The following LDLRAD3 variants were observed in gnomAD, a reference collection of about 807,000 sequenced individuals.
LDLRAD3 encodes low density lipoprotein receptor class A domain containing 3.
LDLRAD3 carries 20 observed loss-of-function variants against 29.4 expected under a neutral mutation model. The observed-to-expected ratio is 0.68, with a 90% CI of 0.48 to 0.99. The LOEUF (loss-of-function observed/expected upper bound fraction) is 0.99. Among genes scored for constraint, LDLRAD3 ranks in the 50% least tolerant of loss-of-function variants. The pLI is 0.00. For missense variants in LDLRAD3, 420 were observed against 454.3 expected, an observed-to-expected ratio of 0.92 and a Z score of 0.69; for synonymous variants, 157 against 192.7, an observed-to-expected ratio of 0.81 and a Z score of 1.53.
intron 2 of LDLRAD3, among the ~76,000 whole-genome samples, chr11:36,051,012 C>A (rs1852519834): frequency 6.6e-6 from 1 of 152,174 alleles, no homozygotes; most frequent in Non-Finnish European, 1.5e-5. Flanking sequence ...CCCTCATGAT[C>A]TAACCAGCTC....
At chr11:36,184,002 T>C (rs1854807213) in intron 4 of LDLRAD3, 1 of 304,888 alleles carries the variant, frequency 3.3e-6, no homozygotes, top group Non-Finnish European at 6.3e-6. Context: ...GTTTCGCTCT[T>C]GTTGCCCAGC....
At chr11:36,138,248 G>A (rs557309073) in intron 4 of LDLRAD3, among the ~76,000 whole-genome samples, 3 of 152,254 alleles carry the variant, frequency 2.0e-5, no homozygotes, top group Non-Finnish European at 4.4e-5. Context: ...TGAAAGGCAA[G>A]TAAATGGGAT....
intron 4 of LDLRAD3, among the ~76,000 whole-genome samples, chr11:36,221,683 C>A (rs1855431170): frequency 6.6e-6 from 1 of 152,074 alleles, no homozygotes; most frequent in Non-Finnish European, 1.5e-5. Flanking sequence ...CTGGGCAAGT[C>A]TTAAAGGAAG....
intron 4 of LDLRAD3, among the ~76,000 whole-genome samples, chr11:36,107,397 C>T (rs957043661): frequency 1.1e-4 from 16 of 151,878 alleles, no homozygotes; most frequent in South Asian, 2.1e-4. Context: ...GGTTTCACCA[C>T]GTTGGCCAGG....
chr11:36,103,083 T>G (rs1909493), intron 4 of LDLRAD3, among the ~76,000 whole-genome samples: 1 of 151,890 alleles, frequency 6.6e-6, no homozygotes, highest in Non-Finnish European at 1.5e-5. Flanking sequence ...CTCCAGAACG[T>G]TTTCATTTTG....
chr11:36,192,975 T>TC (rs1323225745), intron 4 of LDLRAD3, among the ~76,000 whole-genome samples: 1 of 152,204 alleles, frequency 6.6e-6, no homozygotes, highest in Non-Finnish European at 1.5e-5. Flanking sequence ...TCCCTGATCC[T>TC]CCATTTTCTC....
chr11:36,142,498 C>T (rs1029336849), intron 4 of LDLRAD3, among the ~76,000 whole-genome samples: 2 of 152,218 alleles, frequency 1.3e-5, no homozygotes, highest in Non-Finnish European at 2.9e-5. Flanking sequence ...TGTCCTCAAC[C>T]TTCAGCACCT....
At chr11:36,145,252 TGG>T (rs1299397387) in intron 4 of LDLRAD3, among the ~76,000 whole-genome samples, 1,133 of 32,046 alleles carry the variant, frequency 0.035, 50 homozygotes, top group East Asian at 0.062. Context: ...GGGAGGGAAG[TGG>T]GGGGGGGTCA....
intron 1 of LDLRAD3, among the ~76,000 whole-genome samples, chr11:36,030,953 T>C (rs1318083984): frequency 6.6e-6 from 1 of 152,250 alleles, no homozygotes; most frequent in African/African-American, 2.4e-5. Flanking sequence ...GCAGCAGCTG[T>C]CTGAGTTTTT....
intron 2 of LDLRAD3, among the ~76,000 whole-genome samples, chr11:36,045,454 G>A (rs1483552669): frequency 1.3e-5 from 2 of 152,116 alleles, no homozygotes; most frequent in African/African-American, 2.4e-5. Flanking sequence ...GCAAGGTGTC[G>A]GCCCGGCCGT....
intron 1 of LDLRAD3, among the ~76,000 whole-genome samples, chr11:35,957,953 A>G (rs937071766): frequency 6.6e-6 from 1 of 152,206 alleles, no homozygotes; most frequent in Non-Finnish European, 1.5e-5. Context: ...AACTCAGTGA[A>G]ATAGTTTGCA....
At chr11:36,061,160 A>G (rs1225968834) in intron 2 of LDLRAD3, among the ~76,000 whole-genome samples, 2 of 151,890 alleles carry the variant, frequency 1.3e-5, no homozygotes, top group Non-Finnish European at 2.9e-5. Context: ...TTCCCCTGAG[A>G]CAGAGTCTCG....
At chr11:36,191,576 C>CTCTA (rs377747518) in intron 4 of LDLRAD3, among the ~76,000 whole-genome samples, 432 of 53,310 alleles carry the variant, frequency 8.1e-3, no homozygotes, top group Non-Finnish European at 8.6e-3. Flanking sequence ...CTCTCTCTCT[C>CTCTA]TATATATATA....
chr11:36,136,206 T>C (rs1854001644), intron 4 of LDLRAD3, among the ~76,000 whole-genome samples: 1 of 152,222 alleles, frequency 6.6e-6, no homozygotes, highest in Admixed American at 6.5e-5. Flanking sequence ...AAGGATTAAG[T>C]TGAGGCATAA....
chr11:36,071,053 T>G (rs1331624470), intron 2 of LDLRAD3, among the ~76,000 whole-genome samples: 4 of 152,170 alleles, frequency 2.6e-5, no homozygotes, highest in Non-Finnish European at 4.4e-5. Flanking sequence ...AGAAGAGTCA[T>G]GGTTTCCTTG....
intron 4 of LDLRAD3, among the ~76,000 whole-genome samples, chr11:36,186,395 C>CAGTG (rs1206847838): frequency 2.0e-5 from 3 of 152,302 alleles, no homozygotes; most frequent in Admixed American, 6.5e-5. Flanking sequence ...TCTTCTCTTG[C>CAGTG]AGTGAGTCAC....
chr11:36,058,954 T>G (rs1370039799), intron 2 of LDLRAD3, among the ~76,000 whole-genome samples: 2 of 152,228 alleles, frequency 1.3e-5, no homozygotes, highest in African/African-American at 4.8e-5. Context: ...ACTCCTGTGC[T>G]AGTGTAAGGC....
intron 1 of LDLRAD3, among the ~76,000 whole-genome samples, chr11:35,975,431 C>T (rs564502856): frequency 3.9e-5 from 6 of 152,316 alleles, no homozygotes; most frequent in Non-Finnish European, 7.3e-5. Flanking sequence ...CAAGAGCATG[C>T]AGAACAGGCA....
intron 4 of LDLRAD3, among the ~76,000 whole-genome samples, chr11:36,166,387 C>G (rs1168167002): frequency 6.6e-6 from 1 of 152,104 alleles, no homozygotes; most frequent in East Asian, 1.9e-4. Flanking sequence ...GGAAAGGTGA[C>G]CTGGACTCTG....
Sources: gnomAD v4.1 joint callset for allele counts (sites outside exome capture counted in the v4.1 genomes callset) on GRCh38, gnomAD v4.1.1 for gene constraint, MANE v1.5 for transcripts, NCBI Gene and HGNC (gene_info 2026-07-23, HGNC 2026-07-21) for gene names.